Variants in LARP4B observed in about 807,000 individuals in gnomAD.
LARP4B encodes la-related protein 4B.
A neutral mutation model predicts 89.8 loss-of-function variants in LARP4B; 12 were observed. That is an observed-to-expected ratio of 0.13 (90% CI 0.09 to 0.22). LARP4B has a LOEUF of 0.22. Ranked by LOEUF, LARP4B falls within the 10% of genes least tolerant of loss-of-function variation. The pLI, the probability that LARP4B is intolerant of heterozygous loss-of-function variation, is 1.00. For missense variants in LARP4B, 757 were observed against 947.7 expected (o/e 0.80, Z 2.64); for synonymous variants, 367 against 363.3 (o/e 1.01, Z -0.12).
intron 8 of LARP4B, among the ~76,000 whole-genome samples, chr10:834,802 AT>A (rs1377753423): frequency 2.0e-5 from 3 of 152,176 alleles, no homozygotes; most frequent in Non-Finnish European, 2.9e-5. Flanking sequence ...ATTAGGATCT[AT>A]GTTTTAAATA....
At chr10:833,887 CAA>C (rs34834355) in intron 8 of LARP4B, among the ~76,000 whole-genome samples, 1,509 of 75,014 alleles carry the variant, frequency 0.02, 23 homozygotes, top group African/African-American at 0.071. Context: ...GATGCCACCT[CAA>C]AAAAAAAAAA....
chr10:827,573 G>C (rs1343140350), intron 11 of LARP4B, among the ~76,000 whole-genome samples: 2 of 152,164 alleles, frequency 1.3e-5, no homozygotes, highest in Non-Finnish European at 2.9e-5. Context: ...CTGCGATGGA[G>C]AGCCCCAGTA....
the LARP4B span, chr10:972,515 G>T: frequency 2.2e-6 from 1 of 457,108 alleles, no homozygotes; most frequent in Non-Finnish European, 4.4e-6. Context: ...GGGGTGACAG[G>T]TTCCAAAGGG....
chr10:834,299 G>C (rs1379941882), intron 8 of LARP4B, among the ~76,000 whole-genome samples: 3 of 152,136 alleles, frequency 2.0e-5, no homozygotes, highest in Admixed American at 6.5e-5. Flanking sequence ...CGGTAAATTA[G>C]GATTATGACT....
chr10:836,638 C>T, intron 7 of LARP4B, 132 bp from the exon 8 acceptor site: 1 of 603,664 alleles, frequency 1.7e-6, no homozygotes, highest in Non-Finnish European at 2.9e-6. Context: ...GTAAACCAAT[C>T]TCACGTTAGA....
rs1489169492 is a variant in LARP4B at position 931,665 on chromosome 10, T to A, written c.-277A>T. On this transcript the variant is annotated 5_prime_UTR_variant, in exon 1 of 18. Coordinates refer to ENST00000316157, the MANE Select transcript of LARP4B (RefSeq NM_015155.3). ...AATGTCTCAACCCCGGGACTCCAGA[T>A]CCCCAACGCTCCTTCCCGTTCGCAT... 6.6e-6 allele frequency: 1 copy of A among 151,954 alleles called. No individual in the cohort carries two copies. Among genetic ancestry groups the A allele is most frequent in the Non-Finnish European group, 1.5e-5 (1 of 68,148 alleles). The allele number at this position is 151,954 out of a possible 1,614,324, so 9.4% of individuals were successfully genotyped here.
At chr10:891,408 T>C (rs557029693) in intron 1 of LARP4B, among the ~76,000 whole-genome samples, 2 of 152,308 alleles carry the variant, frequency 1.3e-5, no homozygotes, top group East Asian at 3.9e-4. Flanking sequence ...CAACTGATAA[T>C]ACTAAAAAAT....
At chr10:909,340 A>G (rs1484825742) in intron 1 of LARP4B, among the ~76,000 whole-genome samples, 3 of 151,738 alleles carry the variant, frequency 2.0e-5, no homozygotes, top group Non-Finnish European at 4.4e-5. Context: ...CAGAGAGTCA[A>G]TGTCACTGAC....
intron 1 of LARP4B, among the ~76,000 whole-genome samples, chr10:895,624 A>G (rs1047288554): frequency 6.6e-6 from 1 of 151,244 alleles, no homozygotes; most frequent in Non-Finnish European, 1.5e-5. Flanking sequence ...AGTGAGCTGA[A>G]AGCGCACCAC....
intron 1 of LARP4B, among the ~76,000 whole-genome samples, chr10:896,429 C>G (rs1836191895): frequency 6.6e-6 from 1 of 152,110 alleles, no homozygotes; most frequent in African/African-American, 2.4e-5. Context: ...CAAAATAACA[C>G]AGTACTAAGA....
chr10:886,847 T>G (rs1371969914), intron 1 of LARP4B, among the ~76,000 whole-genome samples: 1 of 152,146 alleles, frequency 6.6e-6, no homozygotes, highest in South Asian at 2.1e-4. Context: ...CCCAGCAGTT[T>G]GGGAGGCCAA....
chr10:890,029 T>C (rs148958796), intron 1 of LARP4B, among the ~76,000 whole-genome samples: 121 of 152,332 alleles, frequency 7.9e-4, no homozygotes, highest in African/African-American at 2.8e-3. Flanking sequence ...TTCTTTTTAC[T>C]GCAAGCTACA....
At chr10:816,370 A>G (rs1193562911) in intron 15 of LARP4B, among the ~76,000 whole-genome samples, 1 of 152,192 alleles carries the variant, frequency 6.6e-6, no homozygotes, top group Non-Finnish European at 1.5e-5. Flanking sequence ...GAACCCCATC[A>G]TTTCTGGAGC....
At chr10:938,687 T>C in the LARP4B span, among the ~76,000 whole-genome samples, 2 of 152,320 alleles carry the variant, frequency 1.3e-5, no homozygotes, top group East Asian at 3.9e-4. Context: ...TACACACACA[T>C]ATGAATGTGT....
At chr10:829,907 T>G (rs745691411) in intron 9 of LARP4B, among the ~76,000 whole-genome samples, 173 bp from the exon 10 acceptor site, 1 of 152,170 alleles carries the variant, frequency 6.6e-6, no homozygotes, top group Non-Finnish European at 1.5e-5. Context: ...AATAACCTCA[T>G]AAGAGCTATG....
At chr10:889,578 AATG>A (rs1213561626) in intron 1 of LARP4B, among the ~76,000 whole-genome samples, 2 of 152,230 alleles carry the variant, frequency 1.3e-5, no homozygotes, top group African/African-American at 4.8e-5. Context: ...CATTGAAAGA[AATG>A]ATGTTTTTCA....
At chr10:882,281 G>A (rs967780915) in intron 3 of LARP4B, among the ~76,000 whole-genome samples, 1 of 151,566 alleles carries the variant, frequency 6.6e-6, no homozygotes, top group African/African-American at 2.4e-5. Flanking sequence ...ACAGAACACA[G>A]TACCAGAAGT....
intron 1 of LARP4B, among the ~76,000 whole-genome samples, chr10:890,181 C>T (rs541390849): frequency 6.6e-5 from 10 of 152,276 alleles, no homozygotes; most frequent in African/African-American, 2.4e-4. Flanking sequence ...ACAGGTTTTT[C>T]ATGGTATAGT....
chr10:958,459 C>G, the LARP4B span, among the ~76,000 whole-genome samples: 2 of 152,206 alleles, frequency 1.3e-5, no homozygotes, highest in African/African-American at 4.8e-5. Flanking sequence ...ATCCTGCAGC[C>G]TAAGGCAGGT....
Sources: allele counts gnomAD v4.1 joint callset (sites outside exome capture counted in the v4.1 genomes callset), GRCh38; gene constraint gnomAD v4.1.1; transcripts MANE v1.5; gene names NCBI Gene and HGNC (gene_info 2026-07-23, HGNC 2026-07-21).